The following PAWR variants were observed in gnomAD, a reference collection of about 807,000 sequenced individuals.
PAWR encodes pro-apoptotic WT1 regulator, also known as PRKC apoptosis WT1 regulator protein.
PAWR carries 23 observed loss-of-function variants against 32.0 expected under a neutral mutation model. The observed-to-expected ratio is 0.72, with a 90% CI of 0.52 to 1.02. The LOEUF (loss-of-function observed/expected upper bound fraction) is 1.02, where lower values mean the gene tolerates loss of function less well. Ranked by LOEUF, PAWR falls within the 50% of genes least tolerant of loss-of-function variation. The probability of loss-of-function intolerance (pLI) is 0.00; values close to 1 mark genes in which losing one functional copy is unlikely to be tolerated. For synonymous variants in PAWR, 226 were observed against 187.1 expected, an observed-to-expected ratio of 1.21 and a Z score of -1.70; for missense variants, 457 against 437.7, an observed-to-expected ratio of 1.04 and a Z score of -0.39.
intron 2 of PAWR, among the ~76,000 whole-genome samples, chr12:79,636,244 C>G (rs1014382808): frequency 1.1e-4 from 16 of 151,938 alleles, no homozygotes; most frequent in African/African-American, 3.9e-4. Context: ...CAGCTTTTTC[C>G]TATCAATTTT....
Position 79,654,521 on chromosome 12 carries a change from G to A in PAWR, c.517-33314C>T, listed in dbSNP as rs116496891. ...CTGGCTTCCCTTCTTCACATGGGAA[G>A]CTGTTCATAAAGCCTAGTTCTCGTA... On this transcript the variant is annotated intron_variant, in intron 2 of 6. Transcript: ENST00000328827. 2.1e-3 allele frequency among the ~76,000 whole-genome samples: 323 copies of A among 152,174 alleles called. 2 individuals carry two copies. Among genetic ancestry groups the A allele is most frequent in the African/African-American group, 7.6e-3 (315 of 41,482 alleles).
chr12:79,635,041 C>G (rs1566012244), intron 2 of PAWR, among the ~76,000 whole-genome samples: 1 of 152,104 alleles, frequency 6.6e-6, no homozygotes. Context: ...CCTCACATAT[C>G]CTAATCTGTT....
At position 79,596,652 on chromosome 12, in the gene PAWR, G is replaced by T; in HGVS notation, c.690C>A (p.Thr230=). The change falls in exon 5 of 7, where the codon ACC becomes ACA. Residue 230 remains threonine (T), a synonymous_variant. Coordinates refer to ENST00000328827, the MANE Select transcript of PAWR (RefSeq NM_002583.4). ...RTVSGRYKST[T]SVSEEDVSSR... ...TTGAGACATCTTCTTCAGAGACACT[G>T]GTTGTGCTGTGGAAATATAAACATT... The T allele has an allele frequency of 1.3e-6, 2 of 1,569,948 alleles. No homozygotes were observed. The highest frequency in any genetic ancestry group is 1.7e-6 in the Non-Finnish European group (2 of 1,161,666).
chr12:79,626,643 G>T (rs1219170186), intron 2 of PAWR, among the ~76,000 whole-genome samples: 1 of 151,376 alleles, frequency 6.6e-6, no homozygotes, highest in Non-Finnish European at 1.5e-5. Context: ...ACAAGGTGCA[G>T]GTTTGTTACA....
intron 2 of PAWR, among the ~76,000 whole-genome samples, chr12:79,626,241 A>G (rs190607940): frequency 4.0e-5 from 6 of 150,570 alleles, no homozygotes; most frequent in Admixed American, 4.0e-4. Flanking sequence ...CAGAAACTAT[A>G]CAAGCCAGAA....
chr12:79,666,426 T>C (rs1227183134), intron 2 of PAWR, among the ~76,000 whole-genome samples: 1 of 152,196 alleles, frequency 6.6e-6, no homozygotes, highest in East Asian at 1.9e-4. Context: ...AAATAGATCA[T>C]AGTCCAAGCA....
In PAWR at chr12:79,590,068, G is replaced by A. The variant is rs1365586234; in HGVS notation, c.*2539C>T. 1 of 152,088 alleles carries A rather than the reference G, an allele frequency of 6.6e-6. No homozygotes were observed. Among genetic ancestry groups the A allele is most frequent in the East Asian group, 1.9e-4 (1 of 5,196 alleles). 9.4% of individuals were successfully genotyped at this position (152,088 alleles called of 1,614,324 possible). On this transcript the variant is annotated 3_prime_UTR_variant, in exon 7 of 7. Transcript: ENST00000328827. ...CATATTTTGAGATGGAAGAAGGACT[G>A]CATGTGAAATGCTTTGCCTAAGTTG...
Position 79,690,351 on chromosome 12 carries a change from C to T in PAWR, c.-107G>A. 1.5e-6 allele frequency: 2 copies of T among 1,350,682 alleles called. No individual in the cohort carries two copies. Among genetic ancestry groups the T allele is most frequent in the Non-Finnish European group, 1.9e-6 (2 of 1,055,588 alleles). The allele number at this position is 1,350,682 out of a possible 1,614,324, so 83.7% of individuals were successfully genotyped here. On this transcript the variant is annotated 5_prime_UTR_variant, in exon 2 of 7. Coordinates refer to ENST00000328827, the MANE Select transcript of PAWR (RefSeq NM_002583.4). ...CCCGAGGATGCCAGGAGACGACCTCCAGGAGAGGGACGGCCGCCGCTCCCA... is the reference window on the plus strand; with the variant it reads ...CCCGAGGATGCCAGGAGACGACCTCTAGGAGAGGGACGGCCGCCGCTCCCA...
chr12:79,594,446 A>G lies in PAWR; in HGVS notation c.832-13T>C. The G allele has an allele frequency of 8.3e-7, 1 of 1,211,744 alleles. No individual in the cohort carries two copies. Among genetic ancestry groups the G allele is most frequent in the Non-Finnish European group, 1.2e-6 (1 of 831,224 alleles). 75.1% of individuals were successfully genotyped at this position (1,211,744 alleles called of 1,614,324 possible). A position where few individuals can be genotyped will look rare whatever the true frequency, so the allele number is the denominator to read the frequency against. On this transcript the variant is annotated splice_polypyrimidine_tract_variant and intron_variant, in intron 5 of 6. Transcript: ENST00000328827. Reference sequence around the variant, plus strand: ...CTCTTACTACTTCCTGGTAGATACAATTAAAAACCAGTAATTAGGAAGTAA... The same window carrying G: ...CTCTTACTACTTCCTGGTAGATACAGTTAAAAACCAGTAATTAGGAAGTAA...
chr12:79,592,831 G>T, intron 6 of PAWR, 138 bp from the exon 7 acceptor site: 1 of 529,522 alleles, frequency 1.9e-6, no homozygotes, highest in Non-Finnish European at 3.3e-6. Flanking sequence ...AACTTTAGAT[G>T]TAATATGCCC....
rs141735272 is a variant in PAWR at position 79,591,874 on chromosome 12, G to A, written c.*733C>T. 1.1e-4 allele frequency: 17 copies of A among 152,290 alleles called. No individual in the cohort carries two copies. Among genetic ancestry groups the A allele is most frequent in the East Asian group, 5.8e-4 (3 of 5,184 alleles). The allele number at this position is 152,290 out of a possible 1,614,324, so 9.4% of individuals were successfully genotyped here. A position where few individuals can be genotyped will look rare whatever the true frequency, so the allele number is the denominator to read the frequency against. On this transcript the variant is annotated 3_prime_UTR_variant, in exon 7 of 7. Coordinates refer to ENST00000328827, the MANE Select transcript of PAWR (RefSeq NM_002583.4). Reference sequence around the variant, plus strand: ...TGTGTTCACTAGCAAACCTTGGAACGATAAAAAAAGGTAGTACCTACATAA... The same window carrying A: ...TGTGTTCACTAGCAAACCTTGGAACAATAAAAAAAGGTAGTACCTACATAA...
chr12:79,645,398 T>C (rs994738383), intron 2 of PAWR, among the ~76,000 whole-genome samples: 37 of 152,242 alleles, frequency 2.4e-4, no homozygotes, highest in African/African-American at 8.7e-4. Context: ...TTGCAGCATA[T>C]GGGTAGAAAC....
At chr12:79,621,776 C>T (rs1367547707) in intron 2 of PAWR, among the ~76,000 whole-genome samples, 1 of 152,054 alleles carries the variant, frequency 6.6e-6, no homozygotes, top group South Asian at 2.1e-4. Flanking sequence ...GAGAATTACA[C>T]ATGTAACAGC....
intron 4 of PAWR, among the ~76,000 whole-genome samples, chr12:79,606,521 T>C (rs1444337577): frequency 6.6e-6 from 1 of 152,224 alleles, no homozygotes; most frequent in Admixed American, 6.5e-5. Context: ...AGTTATTTTC[T>C]GACATTGTAC....
chr12:79,622,878 T>C (rs1350796732), intron 2 of PAWR, among the ~76,000 whole-genome samples: 1 of 152,138 alleles, frequency 6.6e-6, no homozygotes, highest in Admixed American at 6.5e-5. Context: ...AGCCAGCAAG[T>C]GGGGTATGAT....
intron 2 of PAWR, among the ~76,000 whole-genome samples, chr12:79,650,611 T>C (rs1205972067): frequency 6.6e-6 from 1 of 152,032 alleles, no homozygotes; most frequent in Non-Finnish European, 1.5e-5. Context: ...AGGTCTCTGT[T>C]GTTGTAGACC....
At chr12:79,610,444 A>C (rs1874380788) in intron 4 of PAWR, among the ~76,000 whole-genome samples, 1 of 152,236 alleles carries the variant, frequency 6.6e-6, no homozygotes, top group South Asian at 2.1e-4. Context: ...AAGAAAAAGA[A>C]TCATAGTCAT....
At chr12:79,649,606 A>G (rs1876746217) in intron 2 of PAWR, among the ~76,000 whole-genome samples, 2 of 152,044 alleles carry the variant, frequency 1.3e-5, no homozygotes, top group South Asian at 2.1e-4. Context: ...GGTGCAACAT[A>G]GCAAAACACT....
At chr12:79,673,612 C>A (rs1878019688) in intron 2 of PAWR, among the ~76,000 whole-genome samples, 2 of 152,174 alleles carry the variant, frequency 1.3e-5, no homozygotes, top group Admixed American at 1.3e-4. Flanking sequence ...AAGAGCTGAG[C>A]CTGAGCTCCT....
Sources: allele counts gnomAD v4.1 joint callset (sites outside exome capture counted in the v4.1 genomes callset), GRCh38; gene constraint gnomAD v4.1.1; transcripts MANE v1.5; gene names NCBI Gene and HGNC (gene_info 2026-07-23, HGNC 2026-07-21).